The following STARD13 variants were observed in gnomAD, a reference collection of about 807,000 sequenced individuals.
STARD13 encodes StAR related lipid transfer domain containing 13.
In STARD13, 62 loss-of-function variants were observed where a neutral mutation model predicts 106.4. That is an observed-to-expected ratio of 0.58 (90% CI 0.48 to 0.72). The LOEUF is 0.72. Among genes scored for constraint, STARD13 ranks in the 30% least tolerant of loss-of-function variants. STARD13 has a pLI of 0.00. For synonymous variants in STARD13, 565 were observed against 553.0 expected (o/e 1.02, Z -0.31); for missense variants, 1,387 against 1,424.0 (o/e 0.97, Z 0.42).
intron 1 of STARD13, among the ~76,000 whole-genome samples, chr13:33,265,727 A>T (rs1890864172): frequency 6.6e-6 from 1 of 152,128 alleles, no homozygotes; most frequent in Non-Finnish European, 1.5e-5. Flanking sequence ...AAGCAGGAAG[A>T]AAATGTATAT....
At chr13:33,400,905 A>T in the STARD13 span, among the ~76,000 whole-genome samples, 1 of 152,256 alleles carries the variant, frequency 6.6e-6, no homozygotes, top group Non-Finnish European at 1.5e-5. Flanking sequence ...TCTACAAGCT[A>T]AAAACAAAGA....
At chr13:33,140,083 C>T (rs369311584) in intron 4 of STARD13, among the ~76,000 whole-genome samples, 3 of 152,172 alleles carry the variant, frequency 2.0e-5, no homozygotes, top group Non-Finnish European at 2.9e-5. Flanking sequence ...GTCAGAATAC[C>T]GAAGTGACCA....
At chr13:33,519,287 CTT>C in the STARD13 span, among the ~76,000 whole-genome samples, 6 of 121,730 alleles carry the variant, frequency 4.9e-5, no homozygotes, top group Non-Finnish European at 1.0e-4. Flanking sequence ...CTTTCTCTTT[CTT>C]TCTTTCTCTC....
the STARD13 span, among the ~76,000 whole-genome samples, chr13:33,646,313 C>T: frequency 1.3e-5 from 2 of 152,130 alleles, no homozygotes; most frequent in South Asian, 2.1e-4. Context: ...AAATAAATAT[C>T]CTGTTGCTCT....
chr13:33,662,010 C>T, the STARD13 span, among the ~76,000 whole-genome samples: 4 of 151,852 alleles, frequency 2.6e-5, no homozygotes, highest in Non-Finnish European at 1.5e-5. Flanking sequence ...TGCCTGTAAT[C>T]CCAGCACTCT....
At chr13:33,269,520 C>T (rs1315316775) in intron 1 of STARD13, among the ~76,000 whole-genome samples, 1 of 152,160 alleles carries the variant, frequency 6.6e-6, no homozygotes, top group Non-Finnish European at 1.5e-5. Flanking sequence ...ACACCCACAC[C>T]AGGCTCTTCT....
chr13:33,614,461 T>A, the STARD13 span, among the ~76,000 whole-genome samples: 2 of 152,146 alleles, frequency 1.3e-5, no homozygotes, highest in African/African-American at 4.8e-5. Flanking sequence ...GGGCCACAGG[T>A]GTTCACTGAG....
intron 1 of STARD13, among the ~76,000 whole-genome samples, chr13:33,232,181 TG>T (rs1471282373): frequency 6.6e-6 from 1 of 152,090 alleles, no homozygotes; most frequent in Non-Finnish European, 1.5e-5. Context: ...GGCATGGTGG[TG>T]TGTGCCTGTA....
the STARD13 span, among the ~76,000 whole-genome samples, chr13:33,621,415 C>T: frequency 1.1e-4 from 17 of 151,978 alleles, no homozygotes; most frequent in Non-Finnish European, 1.9e-4. Flanking sequence ...CAGTCGCTTA[C>T]GCCTGTAATC....
At chr13:33,208,283 C>T (rs767670773) in intron 1 of STARD13, among the ~76,000 whole-genome samples, 2 of 151,826 alleles carry the variant, frequency 1.3e-5, no homozygotes, top group African/African-American at 2.4e-5. Context: ...GAAAACATGG[C>T]GGGGTTGTAG....
At chr13:33,372,789 T>G in the STARD13 span, among the ~76,000 whole-genome samples, 1 of 152,146 alleles carries the variant, frequency 6.6e-6, no homozygotes, top group East Asian at 1.9e-4. Context: ...ATGGCTATTA[T>G]TAGTAGTTTT....
At chr13:33,269,703 G>A (rs1270012225) in intron 1 of STARD13, among the ~76,000 whole-genome samples, 1 of 152,026 alleles carries the variant, frequency 6.6e-6, no homozygotes, top group Non-Finnish European at 1.5e-5. Context: ...TCCTGCTGAT[G>A]GGAAATTATT....
chr13:33,436,297 T>C, the STARD13 span, among the ~76,000 whole-genome samples: 2 of 152,214 alleles, frequency 1.3e-5, no homozygotes, highest in Admixed American at 6.5e-5. Context: ...AAATGAATAG[T>C]ATGTTGTGCA....
intron 3 of STARD13, among the ~76,000 whole-genome samples, chr13:33,163,034 T>C (rs1297436703): frequency 1.3e-5 from 2 of 152,162 alleles, no homozygotes; most frequent in African/African-American, 4.8e-5. Flanking sequence ...TGGGGAGGCC[T>C]CAGAATCATG....
the STARD13 span, among the ~76,000 whole-genome samples, chr13:33,451,711 T>C: frequency 6.8e-3 from 1,032 of 152,126 alleles, 13 homozygotes; most frequent in African/African-American, 0.024. Flanking sequence ...TTAAGGAAAG[T>C]GTGGTTATAC....
At chr13:33,573,600 T>A in the STARD13 span, among the ~76,000 whole-genome samples, 1 of 152,338 alleles carries the variant, frequency 6.6e-6, no homozygotes, top group Middle Eastern at 3.4e-3. Context: ...ACAATCAGAC[T>A]ATATTATGGT....
chr13:33,660,334 T>G, the STARD13 span, among the ~76,000 whole-genome samples: 1 of 152,242 alleles, frequency 6.6e-6, no homozygotes, highest in African/African-American at 2.4e-5. Context: ...CAGTTAGAAC[T>G]TCTCTAAATT....
intron 1 of STARD13, among the ~76,000 whole-genome samples, chr13:33,259,984 A>AGATTCC (rs1444322300): frequency 7.5e-6 from 1 of 133,010 alleles, no homozygotes; most frequent in East Asian, 2.2e-4. Context: ...TAAGAAAGTG[A>AGATTCC]GATTCCATCT....
Position 33,337,126 on chromosome 13 carries a change from T to C in STARD13, c.124+13164A>G, listed in dbSNP as rs527958760. On this transcript the variant is annotated intron_variant, in intron 1 of 5. Coordinates refer to the STARD13 transcript ENST00000567873. ...AAGACTAGACTCCAGTCAGCTTTAG[T>C]GTTTTTCCCAGAGACAAATGGGAAT... Among the ~76,000 whole-genome samples, 36 of 152,326 alleles carry C rather than the reference T, an allele frequency of 2.4e-4. No homozygotes were observed. The East Asian group carries it at 5.6e-3, about 24-fold the overall frequency.
Sources: allele counts gnomAD v4.1 joint callset (sites outside exome capture counted in the v4.1 genomes callset), GRCh38; gene constraint gnomAD v4.1.1; transcripts MANE v1.5; gene names NCBI Gene and HGNC (gene_info 2026-07-23, HGNC 2026-07-21).